Variants in CTNNA3 observed in about 807,000 individuals in gnomAD.
CTNNA3 encodes the protein catenin alpha 3.
A neutral mutation model predicts 95.7 loss-of-function variants in CTNNA3; 76 were observed. The observed-to-expected ratio is 0.79, with a 90% CI of 0.66 to 0.96. The LOEUF (loss-of-function observed/expected upper bound fraction) is 0.96, where lower values mean the gene tolerates loss of function less well. CTNNA3 is among the 40% of genes least tolerant of loss of function. The pLI is 0.00. For missense variants in CTNNA3, 1,191 were observed against 1,089.8 expected, an observed-to-expected ratio of 1.09 and a Z score of -1.31; for synonymous variants, 431 against 374.4, an observed-to-expected ratio of 1.15 and a Z score of -1.74.
At chr10:66,393,031 C>G (rs549191867) in intron 11 of CTNNA3, among the ~76,000 whole-genome samples, 1 of 152,000 alleles carries the variant, frequency 6.6e-6, no homozygotes. Context: ...TAAACTGGAA[C>G]GCTCAGTCAA....
intron 14 of CTNNA3, 107 bp downstream of exon 14, chr10:66,103,050 T>G: frequency 1.2e-6 from 1 of 839,802 alleles, no homozygotes; most frequent in Non-Finnish European, 2.0e-6. Flanking sequence ...CAGAACTAGC[T>G]CCAGATCCAG....
intron 3 of CTNNA3, among the ~76,000 whole-genome samples, chr10:67,556,095 G>C (rs1006021653): frequency 5.9e-5 from 9 of 152,230 alleles, no homozygotes; most frequent in Admixed American, 1.3e-4. Context: ...TGCATCCCAG[G>C]GATAAAGCCC....
chr10:66,246,571 A>G (rs2090333974), intron 13 of CTNNA3, among the ~76,000 whole-genome samples: 1 of 152,138 alleles, frequency 6.6e-6, no homozygotes, highest in African/African-American at 2.4e-5. Flanking sequence ...AAAATTAAAA[A>G]TAGCTATTTT....
At chr10:67,225,342 C>T (rs575791733) in intron 5 of CTNNA3, among the ~76,000 whole-genome samples, 6 of 152,280 alleles carry the variant, frequency 3.9e-5, no homozygotes, top group South Asian at 2.1e-4. Flanking sequence ...AGGACCTGCA[C>T]GCTGCCAGTT....
chr10:67,251,184 C>T (rs764587469), intron 5 of CTNNA3, among the ~76,000 whole-genome samples: 11 of 152,196 alleles, frequency 7.2e-5, no homozygotes, highest in Admixed American at 2.0e-4. Flanking sequence ...CATGCAACAA[C>T]GTGGATGAAT....
chr10:66,124,808 C>A (rs979382175), intron 13 of CTNNA3, among the ~76,000 whole-genome samples: 3 of 152,128 alleles, frequency 2.0e-5, no homozygotes. Flanking sequence ...TTCACTATCA[C>A]AAGAACAGCA....
At chr10:66,605,242 G>A (rs987195838) in intron 10 of CTNNA3, among the ~76,000 whole-genome samples, 1 of 151,860 alleles carries the variant, frequency 6.6e-6, no homozygotes, top group African/African-American at 2.4e-5. Flanking sequence ...AAATAAGACA[G>A]TCAGAAAAGA....
chr10:67,483,778 AAAAAAAAAAC>A (rs1848338585), intron 5 of CTNNA3, among the ~76,000 whole-genome samples: 1 of 144,222 alleles, frequency 6.9e-6, no homozygotes, highest in African/African-American at 2.5e-5. Flanking sequence ...ATAAAAATTA[AAAAAAAAAAC>A]AAAAAAAAAA....
At chr10:67,147,292 T>C (rs983538405) in intron 7 of CTNNA3, among the ~76,000 whole-genome samples, 6 of 152,216 alleles carry the variant, frequency 3.9e-5, no homozygotes, top group African/African-American at 1.4e-4. Context: ...GGTGAACTTT[T>C]ACAAGTTATT....
At chr10:66,030,156 A>G (rs1360023292) in intron 15 of CTNNA3, among the ~76,000 whole-genome samples, 1 of 152,186 alleles carries the variant, frequency 6.6e-6, no homozygotes, top group Non-Finnish European at 1.5e-5. Context: ...AAAGCAATCT[A>G]CAGATTCAAC....
chr10:67,219,623 G>T lies in CTNNA3; in HGVS notation c.827C>A (p.Ala276Asp). Residue 276 changes from alanine to aspartate, a missense_variant, in exon 6 of 18, where the codon GCC (alanine) becomes GAC (aspartate). Ala to Asp is a moderately radical substitution (Grantham distance 126). Coordinates refer to ENST00000433211, the MANE Select transcript of CTNNA3 (RefSeq NM_013266.4). Reference sequence around the variant, plus strand: ...CCGACTTACCTCCAGCTCATCAAGGGCACTTCCCAGGGTTGCTGCCTGAGG... The same window carrying T: ...CCGACTTACCTCCAGCTCATCAAGGTCACTTCCCAGGGTTGCTGCCTGAGG... ...PEPQAATLGS[A>D]LDELENLIVL... The T allele has an allele frequency of 6.2e-7, 1 of 1,612,958 alleles. No individual in the cohort carries two copies. The highest frequency in any genetic ancestry group is 8.5e-7 in the Non-Finnish European group (1 of 1,179,222).
intron 13 of CTNNA3, among the ~76,000 whole-genome samples, chr10:66,173,710 T>A (rs1384615430): frequency 1.3e-5 from 2 of 152,128 alleles, no homozygotes; most frequent in African/African-American, 4.8e-5. Flanking sequence ...ACTGTTGCAG[T>A]ACATTGAGAG....
chr10:66,984,574 T>C (rs962137581), intron 7 of CTNNA3, among the ~76,000 whole-genome samples: 1 of 152,156 alleles, frequency 6.6e-6, no homozygotes, highest in East Asian at 1.9e-4. Flanking sequence ...TACATAAACT[T>C]GATCTTCAAA....
chr10:67,247,047 T>C (rs1474551939), intron 5 of CTNNA3, among the ~76,000 whole-genome samples: 3 of 152,146 alleles, frequency 2.0e-5, no homozygotes, highest in Non-Finnish European at 4.4e-5. Flanking sequence ...GCTAAAATCA[T>C]AATTAATAGT....
At chr10:66,766,506 CAT>C in intron 8 of CTNNA3, 90 bp from the exon 9 acceptor site, 2 of 1,129,340 alleles carry the variant, frequency 1.8e-6, no homozygotes, top group Non-Finnish European at 2.5e-6. Flanking sequence ...TTACACAACT[CAT>C]TTTTCATTTT....
At chr10:66,398,718 C>T (rs925475871) in intron 11 of CTNNA3, among the ~76,000 whole-genome samples, 3 of 152,016 alleles carry the variant, frequency 2.0e-5, no homozygotes, top group Admixed American at 2.0e-4. Flanking sequence ...ATAATCTTCT[C>T]TTTTACTCAA....
At position 66,329,884 on chromosome 10, in the gene CTNNA3, A is replaced by G. The variant is rs140161286; in HGVS notation, c.1733-49263T>C. Among the ~76,000 whole-genome samples the G allele has an allele frequency of 3.7e-3, 562 of 152,174 alleles. 2 individuals carry two copies. The highest frequency in any genetic ancestry group is 0.013 in the African/African-American group (540 of 41,546). Reference sequence around the variant, plus strand: ...TTACTGAGTTACAAGGACCCATATTACAAGCTATTCCTCCTGCTGTTTTTC... The same window carrying G: ...TTACTGAGTTACAAGGACCCATATTGCAAGCTATTCCTCCTGCTGTTTTTC... On this transcript the variant is annotated intron_variant, in intron 12 of 17. Coordinates refer to ENST00000433211, the MANE Select transcript of CTNNA3 (RefSeq NM_013266.4).
At chr10:67,203,832 T>C (rs1164254893) in intron 6 of CTNNA3, among the ~76,000 whole-genome samples, 1 of 152,120 alleles carries the variant, frequency 6.6e-6, no homozygotes, top group African/African-American at 2.4e-5. Context: ...CAAAATCTGG[T>C]TTCCAAGCCA....
chr10:67,349,868 C>T (rs569046551), intron 5 of CTNNA3, among the ~76,000 whole-genome samples: 1 of 152,194 alleles, frequency 6.6e-6, no homozygotes, highest in Non-Finnish European at 1.5e-5. Flanking sequence ...AGTTGTTCAA[C>T]ACTCATACTC....
Sources: allele counts gnomAD v4.1 joint callset (sites outside exome capture counted in the v4.1 genomes callset), GRCh38; gene constraint gnomAD v4.1.1; transcripts MANE v1.5; gene names NCBI Gene and HGNC (gene_info 2026-07-23, HGNC 2026-07-21).